The following TBC1D32 variants were observed in gnomAD, a reference collection of about 807,000 sequenced individuals.
TBC1D32 encodes protein broad-minded.
TBC1D32 carries 151 observed loss-of-function variants against 170.3 expected under a neutral mutation model. That is an observed-to-expected ratio of 0.89 (90% CI 0.78 to 1.01). The LOEUF is 1.01. Ranked by LOEUF, TBC1D32 falls within the 50% of genes least tolerant of loss-of-function variation. The probability of loss-of-function intolerance (pLI) is 0.00; values close to 1 mark genes in which losing one functional copy is unlikely to be tolerated. For synonymous variants in TBC1D32, 498 were observed against 488.0 expected (o/e 1.02, Z -0.27); for missense variants, 1,464 against 1,457.1 (o/e 1.00, Z -0.08).
chr6:121,162,591 C>A (rs932365745), intron 22 of TBC1D32, among the ~76,000 whole-genome samples: 1 of 152,078 alleles, frequency 6.6e-6, no homozygotes, highest in Non-Finnish European at 1.5e-5. Flanking sequence ...TGCATTCAAA[C>A]AGAAAGAGAG....
chr6:121,220,668 T>G (rs1391789327), intron 21 of TBC1D32, among the ~76,000 whole-genome samples: 2 of 139,272 alleles, frequency 1.4e-5, no homozygotes, highest in Non-Finnish European at 3.0e-5. Context: ...TGAGATTGAG[T>G]CTCATTCTAT....
chr6:121,331,350 C>G (rs972611902), intron 1 of TBC1D32, among the ~76,000 whole-genome samples: 4 of 150,972 alleles, frequency 2.6e-5, no homozygotes, highest in Non-Finnish European at 5.9e-5. Context: ...CTGGGATTAC[C>G]AGCACCCACT....
chr6:121,295,413 C>T (rs1805469396), intron 10 of TBC1D32, among the ~76,000 whole-genome samples: 1 of 151,358 alleles, frequency 6.6e-6, no homozygotes, highest in African/African-American at 2.4e-5. Flanking sequence ...TAAAGCCAGA[C>T]TATACCAAAT....
At chr6:121,259,651 A>G (rs1256027552) in intron 15 of TBC1D32, among the ~76,000 whole-genome samples, 3 of 152,198 alleles carry the variant, frequency 2.0e-5, no homozygotes, top group Non-Finnish European at 4.4e-5. Context: ...GAACCTGAAA[A>G]TCAAAATAAC....
intron 1 of TBC1D32, among the ~76,000 whole-genome samples, chr6:121,329,936 C>T (rs1035013012): frequency 6.6e-6 from 1 of 152,036 alleles, no homozygotes; most frequent in African/African-American, 2.4e-5. Flanking sequence ...AAGCTTTTGG[C>T]TCATAATAAA....
rs527396325 is a variant in TBC1D32, at chr6:121,201,520, T to C, written c.2570+3555A>G. ...AGTGAAAAATCACACTCAAACCTCT[T>C]GAAATGTTTTACACAATGTTTTCTC... On this transcript the variant is annotated intron_variant, in intron 22 of 31. Coordinates refer to ENST00000398212, the MANE Select transcript of TBC1D32 (RefSeq NM_152730.6). Among the ~76,000 whole-genome samples, 21 of 151,486 alleles carry C rather than the reference T, an allele frequency of 1.4e-4. No individual in the cohort carries two copies. The South Asian group carries it at 4.3e-3, about 31-fold the overall frequency.
intron 1 of TBC1D32, among the ~76,000 whole-genome samples, chr6:121,325,962 A>G (rs1048130768): frequency 6.6e-6 from 1 of 152,206 alleles, no homozygotes; most frequent in African/African-American, 2.4e-5. Context: ...TGGGTGAAGC[A>G]TATGAACAGA....
At chr6:121,091,901 G>A (rs1477384848) in intron 30 of TBC1D32, among the ~76,000 whole-genome samples, 1 of 152,042 alleles carries the variant, frequency 6.6e-6, no homozygotes, top group Non-Finnish European at 1.5e-5. Context: ...TATAAGAAGG[G>A]GAAATACAGT....
At chr6:121,288,325 A>C (rs565039365) in intron 12 of TBC1D32, among the ~76,000 whole-genome samples, 10 of 152,120 alleles carry the variant, frequency 6.6e-5, no homozygotes, top group East Asian at 3.9e-4. Context: ...GGGGATATCA[A>C]CACCGATCCC....
chr6:121,134,248 G>A (rs1403283320), intron 24 of TBC1D32, among the ~76,000 whole-genome samples: 1 of 152,012 alleles, frequency 6.6e-6, no homozygotes, highest in Non-Finnish European at 1.5e-5. Context: ...TTCAAACAAA[G>A]GATGTTACTA....
At chr6:121,306,187 T>A (rs949754112) in intron 5 of TBC1D32, among the ~76,000 whole-genome samples, 1 of 152,160 alleles carries the variant, frequency 6.6e-6, no homozygotes, top group African/African-American at 2.4e-5. Flanking sequence ...CCCTCTGGTG[T>A]TAACAAGGTT....
In TBC1D32 at chr6:121,205,097, G is replaced by C; in HGVS notation, c.2548C>G (p.Gln850Glu). Residue 850 changes from glutamine (Q) to glutamate (E), a missense_variant, in exon 22 of 32, where the codon CAA (glutamine) becomes GAA (glutamate). Coordinates refer to ENST00000398212, the MANE Select transcript of TBC1D32 (RefSeq NM_152730.6). ...AKIRSLFNYEQSHIFGLRDFI... is the reference protein window; with the variant it reads ...AKIRSLFNYEESHIFGLRDFI... ...TACCTTAGACCAAAGATATGTGATTGTTCATAGTTGAATAAAGAACGAATC... is the reference window on the plus strand; with the variant it reads ...TACCTTAGACCAAAGATATGTGATTCTTCATAGTTGAATAAAGAACGAATC... 6.6e-7 allele frequency: 1 copy of C among 1,524,746 alleles called. No homozygotes were observed. Among genetic ancestry groups the C allele is most frequent in the Non-Finnish European group, 8.9e-7 (1 of 1,125,332 alleles). 94.5% of individuals were successfully genotyped at this position (1,524,746 alleles called of 1,614,324 possible). A position where few individuals can be genotyped will look rare whatever the true frequency, so the allele number is the denominator to read the frequency against.
At chr6:121,303,132 G>C (rs1806728755) in intron 9 of TBC1D32, among the ~76,000 whole-genome samples, 1 of 152,106 alleles carries the variant, frequency 6.6e-6, no homozygotes, top group Non-Finnish European at 1.5e-5. Flanking sequence ...TTCAGTTTCA[G>C]CTTCATAAGA....
At chr6:121,323,679 C>T (rs1307481465) in intron 1 of TBC1D32, among the ~76,000 whole-genome samples, 2 of 152,326 alleles carry the variant, frequency 1.3e-5, no homozygotes, top group East Asian at 1.9e-4. Flanking sequence ...CAGTGACTCA[C>T]GCCTGTGATC....
At chr6:121,098,962 C>A (rs1054359831) in intron 30 of TBC1D32, among the ~76,000 whole-genome samples, 2 of 151,978 alleles carry the variant, frequency 1.3e-5, no homozygotes, top group Non-Finnish European at 2.9e-5. Flanking sequence ...TGACTCTGAA[C>A]AAGGGCCATG....
At chr6:121,277,132 G>A (rs1802322097) in intron 15 of TBC1D32, among the ~76,000 whole-genome samples, 1 of 151,936 alleles carries the variant, frequency 6.6e-6, no homozygotes. Context: ...TCACTTTCTG[G>A]GCCATAAAAC....
intron 24 of TBC1D32, among the ~76,000 whole-genome samples, chr6:121,148,580 G>A (rs1201791890): frequency 6.6e-6 from 1 of 151,934 alleles, no homozygotes; most frequent in Non-Finnish European, 1.5e-5. Flanking sequence ...CACAACGGTT[G>A]AAGTTTACAC....
At chr6:121,230,656 T>TAC (rs1554278618) in intron 20 of TBC1D32, among the ~76,000 whole-genome samples, 4 of 151,176 alleles carry the variant, frequency 2.6e-5, no homozygotes, top group Non-Finnish European at 2.9e-5. Flanking sequence ...TATATATATA[T>TAC]ACATATATAC....
At chr6:121,196,416 A>G (rs1454002029) in intron 22 of TBC1D32, among the ~76,000 whole-genome samples, 1 of 152,218 alleles carries the variant, frequency 6.6e-6, no homozygotes, top group Admixed American at 6.5e-5. Flanking sequence ...CCTGGTGGCA[A>G]GCTGCTTACA....
Sources: gnomAD v4.1 joint callset for allele counts (sites outside exome capture counted in the v4.1 genomes callset) on GRCh38, gnomAD v4.1.1 for gene constraint, MANE v1.5 for transcripts, NCBI Gene and HGNC (gene_info 2026-07-23, HGNC 2026-07-21) for gene names.